The following DSCAM variants were observed in gnomAD, a reference collection of about 807,000 sequenced individuals.
DSCAM encodes cell adhesion molecule DSCAM.
In DSCAM, 47 loss-of-function variants were observed where a neutral mutation model predicts 217.7. That is an observed-to-expected ratio of 0.22 (90% CI 0.17 to 0.28). DSCAM has a LOEUF of 0.28. Ranked by LOEUF, DSCAM falls within the 10% of genes least tolerant of loss-of-function variation. The pLI is 1.00. For synonymous variants in DSCAM, 1,056 were observed against 1,015.3 expected (o/e 1.04, Z -0.76); for missense variants, 2,080 against 2,618.3 (o/e 0.79, Z 4.49).
rs541288839 is a variant in DSCAM, at chr21:40,292,580, A to C, written c.2182+3475T>G. Reference sequence around the variant, plus strand: ...CTGCAAACTGAGGTGAGTTGTGTAAATGAATAAAATGCTGGCAAATTGTCA... The same window carrying C: ...CTGCAAACTGAGGTGAGTTGTGTAACTGAATAAAATGCTGGCAAATTGTCA... On this transcript the variant is annotated intron_variant, in intron 10 of 32. Transcript: ENST00000400454. 2.6e-5 allele frequency among the ~76,000 whole-genome samples: 4 copies of C among 152,302 alleles called. No individual in the cohort carries two copies. The South Asian group carries it at 6.2e-4, about 24-fold the overall frequency.
chr21:40,249,052 C>T (rs924753860), intron 11 of DSCAM, among the ~76,000 whole-genome samples: 9 of 152,168 alleles, frequency 5.9e-5, no homozygotes, highest in African/African-American at 2.2e-4. Context: ...CCCACTGGGT[C>T]CCTCCCACAG....
chr21:40,662,392 G>C (rs1407436166), intron 3 of DSCAM, among the ~76,000 whole-genome samples: 1 of 152,044 alleles, frequency 6.6e-6, no homozygotes, highest in Admixed American at 6.5e-5. Context: ...ATTGAGACTG[G>C]CATATTTAAA....
At chr21:40,546,632 G>C (rs2076585100) in intron 3 of DSCAM, among the ~76,000 whole-genome samples, 1 of 152,154 alleles carries the variant, frequency 6.6e-6, no homozygotes, top group Non-Finnish European at 1.5e-5. Flanking sequence ...GACCTCAGTG[G>C]CCTTTGGTTT....
At chr21:40,143,326 A>C (rs1359080870) in intron 17 of DSCAM, among the ~76,000 whole-genome samples, 1 of 152,240 alleles carries the variant, frequency 6.6e-6, no homozygotes, top group Non-Finnish European at 1.5e-5. Context: ...ACTGGCTGAG[A>C]CACGCATCTT....
intron 8 of DSCAM, among the ~76,000 whole-genome samples, chr21:40,319,525 C>A (rs138031160): frequency 2.0e-5 from 3 of 152,142 alleles, no homozygotes; most frequent in African/African-American, 7.2e-5. Flanking sequence ...TCTTGGCTGT[C>A]GTGGATAGTG....
At chr21:40,478,162 C>A (rs2075953315) in intron 3 of DSCAM, among the ~76,000 whole-genome samples, 1 of 152,136 alleles carries the variant, frequency 6.6e-6, no homozygotes, top group Non-Finnish European at 1.5e-5. Context: ...AAGATTTATC[C>A]ACATGGTTGT....
intron 3 of DSCAM, among the ~76,000 whole-genome samples, chr21:40,422,814 T>C (rs1173843766): frequency 6.6e-6 from 1 of 152,192 alleles, no homozygotes; most frequent in African/African-American, 2.4e-5. Context: ...GAAGTAAAGG[T>C]CTTGCAGAAA....
At chr21:40,663,036 T>C (rs1403402132) in intron 3 of DSCAM, among the ~76,000 whole-genome samples, 1 of 148,354 alleles carries the variant, frequency 6.7e-6, no homozygotes, top group East Asian at 2.1e-4. Flanking sequence ...TGTGTGTGTG[T>C]GCACATGTGA....
At chr21:40,212,775 G>A (rs1292293271) in intron 11 of DSCAM, among the ~76,000 whole-genome samples, 2 of 152,178 alleles carry the variant, frequency 1.3e-5, no homozygotes, top group Non-Finnish European at 2.9e-5. Flanking sequence ...AGTCTTTGCA[G>A]AGTTAAAGAA....
At chr21:40,393,699 TAC>T (rs1281656096) in intron 3 of DSCAM, among the ~76,000 whole-genome samples, 1 of 152,218 alleles carries the variant, frequency 6.6e-6, no homozygotes, top group Non-Finnish European at 1.5e-5. Context: ...TGCTTTTTTC[TAC>T]ATATATATAG....
At chr21:40,521,371 C>T (rs937253254) in intron 3 of DSCAM, among the ~76,000 whole-genome samples, 1 of 152,178 alleles carries the variant, frequency 6.6e-6, no homozygotes, top group Non-Finnish European at 1.5e-5. Context: ...TTTATTCCCA[C>T]CCACAGTGTG....
chr21:40,655,525 C>T (rs958092861), intron 3 of DSCAM, among the ~76,000 whole-genome samples: 67 of 151,824 alleles, frequency 4.4e-4, no homozygotes, highest in African/African-American at 1.5e-3. Context: ...TCATTACAGC[C>T]TTGACCTCCT....
intron 14 of DSCAM, among the ~76,000 whole-genome samples, chr21:40,182,638 GAC>G (rs2090827313): frequency 7.7e-6 from 1 of 130,008 alleles, no homozygotes; most frequent in Non-Finnish European, 1.6e-5. Context: ...AGAAACCGTG[GAC>G]AGGAGGGGGT....
intron 11 of DSCAM, among the ~76,000 whole-genome samples, chr21:40,257,367 T>C (rs2073386441): frequency 6.6e-6 from 1 of 152,070 alleles, no homozygotes; most frequent in Non-Finnish European, 1.5e-5. Flanking sequence ...ATGTTTATTG[T>C]TGTATTTTTT....
chr21:40,642,826 G>A (rs1009654673), intron 3 of DSCAM, among the ~76,000 whole-genome samples: 4 of 152,190 alleles, frequency 2.6e-5, no homozygotes, highest in African/African-American at 9.7e-5. Flanking sequence ...CTGAGTTCAA[G>A]CAATTGGCTC....
intron 11 of DSCAM, among the ~76,000 whole-genome samples, chr21:40,196,522 T>G (rs1243880820): frequency 1.3e-5 from 2 of 152,176 alleles, no homozygotes; most frequent in Non-Finnish European, 2.9e-5. Flanking sequence ...TTGAAACAAC[T>G]CAATCCGATG....
At chr21:40,309,208 G>A (rs76142390) in intron 9 of DSCAM, among the ~76,000 whole-genome samples, 5 of 152,208 alleles carry the variant, frequency 3.3e-5, no homozygotes, top group African/African-American at 9.6e-5. Flanking sequence ...TGTTTTCTGA[G>A]TTCCTGCACA....
intron 11 of DSCAM, among the ~76,000 whole-genome samples, chr21:40,266,942 G>A (rs989312340): frequency 4.1e-5 from 6 of 147,310 alleles, no homozygotes; most frequent in Non-Finnish European, 1.5e-5. Flanking sequence ...AGCAAATAAT[G>A]CATGTTCTCA....
chr21:40,396,135 A>C (rs577318130), intron 3 of DSCAM, among the ~76,000 whole-genome samples: 6 of 152,310 alleles, frequency 3.9e-5, no homozygotes, highest in African/African-American at 1.4e-4. Context: ...AATTCACTAG[A>C]GAGATTTTGT....
Sources: gnomAD v4.1 joint callset for allele counts (sites outside exome capture counted in the v4.1 genomes callset) on GRCh38, gnomAD v4.1.1 for gene constraint, MANE v1.5 for transcripts, NCBI Gene and HGNC (gene_info 2026-07-23, HGNC 2026-07-21) for gene names.